PRMT1: variants seen among roughly 807,000 people sequenced by gnomAD.
PRMT1 encodes the protein protein arginine methyltransferase 1.
PRMT1 carries 5 observed loss-of-function variants against 47.4 expected under a neutral mutation model. The ratio of observed to expected loss-of-function variants is 0.11; its 90% CI spans 0.06 to 0.22. The LOEUF (loss-of-function observed/expected upper bound fraction) is 0.22, where lower values mean the gene tolerates loss of function less well. Ranked by LOEUF, PRMT1 falls within the 10% of genes least tolerant of loss-of-function variation. The pLI is 1.00. For missense variants in PRMT1, 249 were observed against 518.4 expected, an observed-to-expected ratio of 0.48 and a Z score of 5.05; for synonymous variants, 227 against 204.6, an observed-to-expected ratio of 1.11 and a Z score of -0.94.
chr19:49,682,609 A>G (rs575549334), intron 5 of PRMT1, among the ~76,000 whole-genome samples: 1 of 152,082 alleles, frequency 6.6e-6, no homozygotes, highest in Admixed American at 6.6e-5. Context: ...ACAAACACAT[A>G]CATACGTAAA....
At position 49,681,818 on chromosome 19, in the gene PRMT1, C is replaced by G; in HGVS notation, c.193-92C>G. 1 of 1,307,056 alleles carries G rather than the reference C, an allele frequency of 7.7e-7. No individual in the cohort carries two copies. Among genetic ancestry groups the G allele is most frequent in the Non-Finnish European group, 1.0e-6 (1 of 964,730 alleles). The allele number at this position is 1,307,056 out of a possible 1,614,324, so 81.0% of individuals were successfully genotyped here. Reference sequence around the variant, plus strand: ...GGTGCATGGAAGAAAGCGAGAGGGCCGAGCTCTGGCCCTCCGAGCTCTCAG... The same window carrying G: ...GGTGCATGGAAGAAAGCGAGAGGGCGGAGCTCTGGCCCTCCGAGCTCTCAG... On this transcript the variant is annotated intron_variant, in intron 3 of 10. Transcript: ENST00000454376. The surrounding 1 kb of genome is among the most constrained non-coding windows in gnomAD (Gnocchi z 4.4).
intron 10 of PRMT1, chr19:49,687,932 G>A: frequency 1.7e-6 from 1 of 593,362 alleles, no homozygotes; most frequent in Non-Finnish European, 3.0e-6. Flanking sequence ...GCAAGGGACA[G>A]CAGCTGGGCT....
intron 1 of PRMT1, chr19:49,679,616 A>G: frequency 1.4e-6 from 1 of 696,470 alleles, no homozygotes; most frequent in East Asian, 2.7e-5. Context: ...CTGCCTGGCC[A>G]GAGAGGGGCA....
chr19:49,686,598 C>T lies in PRMT1; in HGVS notation c.911-7C>T, dbSNP rs1196848754. 6.2e-7 allele frequency: 1 copy of T among 1,609,066 alleles called. No individual in the cohort carries two copies. Among genetic ancestry groups the T allele is most frequent in the East Asian group, 2.2e-5 (1 of 44,778 alleles). Reference sequence around the variant, plus strand: ...GCCGAGGCCGGCTGACCCGCCCGCGCCCCCAGGCCCCGAGTCCCCGTACAC... The same window carrying T: ...GCCGAGGCCGGCTGACCCGCCCGCGTCCCCAGGCCCCGAGTCCCCGTACAC... On this transcript the variant is annotated splice_region_variant and splice_polypyrimidine_tract_variant and intron_variant, in intron 9 of 10. Coordinates refer to ENST00000454376, the MANE Select transcript of PRMT1 (RefSeq NM_001536.6).
At position 49,680,053 on chromosome 19, in the gene PRMT1, C is replaced by A; in HGVS notation, c.90+128C>A. The A allele has an allele frequency of 8.4e-7, 1 of 1,195,372 alleles. No individual in the cohort carries two copies. The highest frequency in any genetic ancestry group is 1.2e-6 in the Non-Finnish European group (1 of 826,412). The allele number at this position is 1,195,372 out of a possible 1,614,324, so 74.0% of individuals were successfully genotyped here. On this transcript the variant is annotated intron_variant, in intron 2 of 10. Coordinates refer to ENST00000454376, the MANE Select transcript of PRMT1 (RefSeq NM_001536.6). The surrounding 1 kb of genome is among the most constrained non-coding windows in gnomAD (Gnocchi z 4.2). ...TTCAAACCAGTTTACCCCAGGCCCC[C>A]AGACACTTAGTAGCAACCCCTCCAG...
chr19:49,681,951 C>T lies in PRMT1; in HGVS notation c.234C>T (p.Asn78=). 4 of 1,614,194 alleles carry T rather than the reference C, an allele frequency of 2.5e-6. No homozygotes were observed. The highest frequency in any genetic ancestry group is 3.4e-6 in the Non-Finnish European group (4 of 1,180,032). ...KDEVRTLTYR[N]SMFHNRHLFK... ...AGGTGCGCACCCTCACTTACCGCAACTCCATGTTTCATAACCGGCACCTCT... is the reference window on the plus strand; with the variant it reads ...AGGTGCGCACCCTCACTTACCGCAATTCCATGTTTCATAACCGGCACCTCT... Residue 78 remains asparagine (N), a synonymous_variant, in exon 4 of 11, where the codon AAC becomes AAT. Coordinates refer to ENST00000454376, the MANE Select transcript of PRMT1 (RefSeq NM_001536.6). This position sits in a 1 kb window ranked among gnomAD's most constrained non-coding sequence, Gnocchi z 4.4.
chr19:49,682,849 G>A (rs991873406), intron 5 of PRMT1, among the ~76,000 whole-genome samples: 5 of 137,104 alleles, frequency 3.6e-5, no homozygotes, highest in African/African-American at 8.4e-5. Flanking sequence ...GCAGTGGCAC[G>A]ATCTCAGCTC....
chr19:49,687,540 T>C (rs1274954381), intron 10 of PRMT1, among the ~76,000 whole-genome samples: 1 of 138,544 alleles, frequency 7.2e-6, no homozygotes, highest in African/African-American at 2.6e-5. Context: ...TTTGCCACCG[T>C]CTGTGGAAAC....
chr19:49,686,076 C>G lies in PRMT1; in HGVS notation c.760-17C>G. 1 of 1,609,190 alleles carries G rather than the reference C, an allele frequency of 6.2e-7. No homozygotes were observed. Among genetic ancestry groups the G allele is most frequent in the Non-Finnish European group, 8.5e-7 (1 of 1,177,412 alleles). On this transcript the variant is annotated splice_polypyrimidine_tract_variant and intron_variant, in intron 8 of 10. Transcript: ENST00000454376. ...GGTGGGGACGCATCCCGGAGCTCGC[C>G]CTCTCATGTCCTGCAGGAGGTGGAC...
At chr19:49,683,687 C>CAAA (rs34880220) in intron 5 of PRMT1, 297 of 227,014 alleles carry the variant, frequency 1.3e-3, no homozygotes, top group East Asian at 3.0e-3. Context: ...GACTCCGTCT[C>CAAA]AAAAAAAAAA....
chr19:49,683,504 C>T lies in PRMT1; in HGVS notation c.413-423C>T, dbSNP rs149689918. On this transcript the variant is annotated intron_variant, in intron 5 of 10. Transcript: ENST00000454376. The stretch of plus-strand genomic sequence containing the variant: ...GAGATCAAGACCATCCTGGCCAACA[C>T]GGTGACACCCTGTCTCTACTAAAAA... 6.0e-3 allele frequency: 1,022 copies of T among 169,594 alleles called. 13 individuals carry two copies. Among genetic ancestry groups the T allele is most frequent in the African/African-American group, 0.023 (972 of 41,598 alleles). The allele number at this position is 169,594 out of a possible 1,614,324, so 10.5% of individuals were successfully genotyped here. A position where few individuals can be genotyped will look rare whatever the true frequency, so the allele number is the denominator to read the frequency against.
rs763717229 is a variant in PRMT1, at chr19:49,681,984, C to G, written c.267C>G (p.Asp89Glu). 2 of 1,614,192 alleles carry G rather than the reference C, an allele frequency of 1.2e-6. No individual in the cohort carries two copies. The highest frequency in any genetic ancestry group is 1.7e-6 in the Non-Finnish European group (2 of 1,180,034). ...TTCATAACCGGCACCTCTTCAAGGA[C>G]AAGGTGGTGCTGGACGTCGGCTCGG... ...SMFHNRHLFK[D>E]KVVLDVGSGT... is the part of the protein sequence containing the mutation. Residue 89 changes from aspartate (D) to glutamate (E), a missense_variant, in exon 4 of 11, where the codon GAC (aspartate) becomes GAG (glutamate). Around this residue, in one of 2 missense-constraint regions of PRMT1, gnomAD observed 190 missense variants for 456.7 expected, o/e 0.42. Coordinates refer to ENST00000454376, the MANE Select transcript of PRMT1 (RefSeq NM_001536.6). The surrounding 1 kb of genome is among the most constrained non-coding windows in gnomAD (Gnocchi z 4.4).
Position 49,681,679 on chromosome 19 carries a change from A to G in PRMT1, c.193-231A>G, listed in dbSNP as rs373847517. Among the ~76,000 whole-genome samples, 29 of 152,270 alleles carry G rather than the reference A, an allele frequency of 1.9e-4. No homozygotes were observed. Among genetic ancestry groups the G allele is most frequent in the East Asian group, 1.2e-3 (6 of 5,168 alleles). On this transcript the variant is annotated intron_variant, in intron 3 of 10. Transcript: ENST00000454376. The surrounding 1 kb of genome is among the most constrained non-coding windows in gnomAD (Gnocchi z 4.4). ...CTTGAACCCAGGAGGCGGAGGTTGCAGTGAGCTGAGATTGCACCATTGCAC... is the reference window on the plus strand; with the variant it reads ...CTTGAACCCAGGAGGCGGAGGTTGCGGTGAGCTGAGATTGCACCATTGCAC...
intron 5 of PRMT1, 114 bp downstream of exon 5, chr19:49,682,373 A>C (rs1020788385): frequency 2.9e-5 from 34 of 1,158,590 alleles, no homozygotes; most frequent in Non-Finnish European, 4.2e-5. Context: ...AGCAGCTCCC[A>C]ACCCATGGTC....
upstream of PRMT1, among the ~76,000 whole-genome samples, chr19:49,676,897 G>T (rs1017810403): frequency 2.6e-5 from 4 of 152,230 alleles, no homozygotes; most frequent in Admixed American, 1.3e-4. Context: ...GTGATGGACA[G>T]GTGTTTCAAG....
At position 49,680,496 on chromosome 19, in the gene PRMT1, G is replaced by C. The variant is rs747199028; in HGVS notation, c.100G>C (p.Gly34Arg). ...ATCGGCCCCCTCCCAGGTGTCCTGT[G>C]GCCAGGCGGAAAGCAGTGAGAAGCC... ...LQPPLEEVSCGQAESSEKPNA... is the reference protein window; with the variant it reads ...LQPPLEEVSCRQAESSEKPNA... The change falls in exon 3 of 11, where the codon GGC becomes CGC. Residue 34 changes from glycine to arginine, a missense_variant. By Grantham distance (125) the Gly-to-Arg change is moderately radical. This residue lies in a region of PRMT1 where 59 missense variants were observed against 61.7 expected (regional missense o/e 0.96). Coordinates refer to ENST00000454376, the MANE Select transcript of PRMT1 (RefSeq NM_001536.6). This position sits in a 1 kb window ranked among gnomAD's most constrained non-coding sequence, Gnocchi z 4.2. 1.9e-6 allele frequency: 3 copies of C among 1,613,756 alleles called. No individual in the cohort carries two copies. The East Asian group carries it at 6.7e-5, about 36-fold the overall frequency.
At chr19:49,678,062 A>G (rs2082063591) in intron 1 of PRMT1, among the ~76,000 whole-genome samples, 1 of 151,880 alleles carries the variant, frequency 6.6e-6, no homozygotes, top group Non-Finnish European at 1.5e-5. Flanking sequence ...TTTCCCATTA[A>G]TAGGCGCCGT....
At chr19:49,677,637 G>A in intron 1 of PRMT1, 2 of 265,388 alleles carry the variant, frequency 7.5e-6, no homozygotes, top group Non-Finnish European at 1.4e-5. Context: ...GTGGCCCGGC[G>A]GGCTCCACGT....
At chr19:49,679,788 C>T in intron 1 of PRMT1, 84 bp from the exon 2 acceptor site, 1 of 1,055,762 alleles carries the variant, frequency 9.5e-7, no homozygotes, top group South Asian at 1.3e-5. Flanking sequence ...AACCCACCCC[C>T]CGGCCAGAGC....
Sources: allele counts gnomAD v4.1 joint callset (sites outside exome capture counted in the v4.1 genomes callset), GRCh38; gene constraint gnomAD v4.1.1; regional missense constraint gnomAD v4.1.1; non-coding constraint Gnocchi (gnomAD v3.1); transcripts MANE v1.5; gene names NCBI Gene and HGNC (gene_info 2026-07-23, HGNC 2026-07-21).